BTAF1: variants seen among roughly 807,000 people sequenced by gnomAD.
BTAF1 encodes TATA-binding protein-associated factor 172.
A neutral mutation model predicts 227.1 loss-of-function variants in BTAF1; 38 were observed. That is an observed-to-expected ratio of 0.17 (90% CI 0.13 to 0.22). The LOEUF is 0.22. BTAF1 is among the 10% of genes least tolerant of loss of function. BTAF1 has a pLI of 1.00. For synonymous variants in BTAF1, 742 were observed against 751.9 expected, an observed-to-expected ratio of 0.99 and a Z score of 0.21; for missense variants, 1,598 against 2,204.0, an observed-to-expected ratio of 0.73 and a Z score of 5.51.
intron 11 of BTAF1, 26 bp from the exon 12 acceptor site, chr10:91,962,512 A>G (rs1157222349): frequency 6.9e-6 from 10 of 1,452,806 alleles, no homozygotes; most frequent in Middle Eastern, 1.8e-4. Context: ...TAGAAAATTA[A>G]TTTATTTTCA....
intron 19 of BTAF1, among the ~76,000 whole-genome samples, chr10:91,985,813 T>G (rs1000269952): frequency 2.0e-5 from 3 of 152,210 alleles, no homozygotes; most frequent in African/African-American, 7.2e-5. Context: ...TTAGGTTGTT[T>G]GTTTGTTATT....
intron 1 of BTAF1, among the ~76,000 whole-genome samples, chr10:91,928,667 G>T (rs1398111135): frequency 6.6e-6 from 1 of 151,104 alleles, no homozygotes; most frequent in East Asian, 1.9e-4. Context: ...TCATTATCAT[G>T]TGTTACTTAG....
intron 25 of BTAF1, among the ~76,000 whole-genome samples, chr10:92,004,645 T>A (rs1849758726): frequency 6.6e-6 from 1 of 152,054 alleles, no homozygotes; most frequent in African/African-American, 2.4e-5. Flanking sequence ...CTTTATTTAT[T>A]TTGTGTGGAG....
At chr10:92,005,903 ACT>A (rs1218238809) in intron 25 of BTAF1, among the ~76,000 whole-genome samples, 6 of 149,494 alleles carry the variant, frequency 4.0e-5, no homozygotes, top group African/African-American at 1.5e-4. Flanking sequence ...ACAGGGTTTC[ACT>A]CTGTCACCCA....
At chr10:91,961,346 G>GC (rs2133899730) in intron 11 of BTAF1, among the ~76,000 whole-genome samples, 1 of 152,186 alleles carries the variant, frequency 6.6e-6, no homozygotes, top group African/African-American at 2.4e-5. Flanking sequence ...AATGCTTTGT[G>GC]CCAGCTTTTC....
intron 27 of BTAF1, 25 bp downstream of exon 27, chr10:92,008,975 T>C: frequency 6.2e-7 from 1 of 1,612,186 alleles, no homozygotes; most frequent in Non-Finnish European, 8.5e-7. Flanking sequence ...TATTTTAAAA[T>C]AAGGTTTCCG....
chr10:92,008,778 G>A (rs1564714020), intron 26 of BTAF1, 51 bp from the exon 27 acceptor site: 5 of 1,474,878 alleles, frequency 3.4e-6, no homozygotes, highest in Non-Finnish European at 4.5e-6. Context: ...GTTTTTATAA[G>A]AAAAAATAAA....
At position 91,923,967 on chromosome 10, in the gene BTAF1, C is replaced by T. The variant is rs752366191; in HGVS notation, c.-110C>T. The stretch of plus-strand genomic sequence containing the variant: ...GGAACGCCCCACGCCGCACCGGCCG[C>T]TCCCCTGTGCTCCGCGGCCTGGGCC... On this transcript the variant is annotated 5_prime_UTR_variant, in exon 1 of 38. Transcript: ENST00000265990. 6.6e-6 allele frequency: 9 copies of T among 1,365,860 alleles called. No individual in the cohort carries two copies. Among genetic ancestry groups the T allele is most frequent in the South Asian group, 1.6e-5 (1 of 64,270 alleles). The allele number at this position is 1,365,860 out of a possible 1,614,324, so 84.6% of individuals were successfully genotyped here.
At chr10:91,987,166 T>C (rs941515385) in intron 19 of BTAF1, among the ~76,000 whole-genome samples, 1 of 150,250 alleles carries the variant, frequency 6.7e-6, no homozygotes, top group Non-Finnish European at 1.5e-5. Context: ...TCACAAATCT[T>C]GTCAGCATTT....
At chr10:91,953,478 A>G (rs1394287494) in intron 5 of BTAF1, among the ~76,000 whole-genome samples, 1 of 152,156 alleles carries the variant, frequency 6.6e-6, no homozygotes. Flanking sequence ...AGGATCATAC[A>G]TTTGTGCCTC....
chr10:91,991,921 C>A (rs1399438803), intron 20 of BTAF1, among the ~76,000 whole-genome samples, 198 bp from the exon 21 acceptor site: 2 of 151,328 alleles, frequency 1.3e-5, no homozygotes, highest in African/African-American at 4.9e-5. Context: ...GGCTCTGCAA[C>A]CTGGATTGTA....
At chr10:91,950,832 A>ATTTTTT (rs375509577) in intron 4 of BTAF1, among the ~76,000 whole-genome samples, 1 of 132,600 alleles carries the variant, frequency 7.5e-6, no homozygotes, top group African/African-American at 2.9e-5. Flanking sequence ...ATAGAGATGT[A>ATTTTTT]TTTTTTTTTT....
intron 34 of BTAF1, among the ~76,000 whole-genome samples, chr10:92,022,297 T>C (rs987722658): frequency 6.6e-6 from 1 of 152,252 alleles, no homozygotes; most frequent in Non-Finnish European, 1.5e-5. Flanking sequence ...CTGGTTATCT[T>C]TAAGGTTTTG....
At chr10:91,979,279 C>T (rs911136174) in intron 14 of BTAF1, among the ~76,000 whole-genome samples, 3 of 152,086 alleles carry the variant, frequency 2.0e-5, no homozygotes, top group African/African-American at 7.2e-5. Context: ...TTGCAGTGAA[C>T]ATATTCATGC....
intron 1 of BTAF1, 67 bp from the exon 2 acceptor site, chr10:91,935,590 A>G (rs1425844749): frequency 2.6e-6 from 4 of 1,553,770 alleles, no homozygotes; most frequent in Non-Finnish European, 3.5e-6. Context: ...CAGTACGTTT[A>G]TTGACTTAAA....
chr10:92,022,297 T>G (rs987722658), intron 34 of BTAF1, among the ~76,000 whole-genome samples: 2 of 152,252 alleles, frequency 1.3e-5, no homozygotes, highest in African/African-American at 4.8e-5. Flanking sequence ...CTGGTTATCT[T>G]TAAGGTTTTG....
chr10:92,026,460 A>G (rs925023646), intron 35 of BTAF1, 132 bp from the exon 36 acceptor site: 1 of 687,382 alleles, frequency 1.5e-6, no homozygotes, highest in Non-Finnish European at 2.3e-6. Context: ...TATTTTTCTC[A>G]GATGATCATG....
At chr10:92,012,736 A>G (rs370744191) in intron 30 of BTAF1, among the ~76,000 whole-genome samples, 44 of 136,668 alleles carry the variant, frequency 3.2e-4, no homozygotes, top group African/African-American at 1.1e-3. Context: ...GTGCCATTGC[A>G]CTGCAGCCTG....
intron 15 of BTAF1, 42 bp downstream of exon 15, chr10:91,980,600 T>C (rs1239521579): frequency 8.6e-6 from 13 of 1,506,828 alleles, no homozygotes; most frequent in Non-Finnish European, 1.1e-5. Context: ...CTAGTAACTT[T>C]TGTAGATTTT....
Sources: gnomAD v4.1 joint callset for allele counts (sites outside exome capture counted in the v4.1 genomes callset) on GRCh38, gnomAD v4.1.1 for gene constraint, MANE v1.5 for transcripts, NCBI Gene and HGNC (gene_info 2026-07-23, HGNC 2026-07-21) for gene names.